Variants in LMX1A observed in about 807,000 individuals in gnomAD.
LMX1A encodes the protein LIM homeobox transcription factor 1-alpha.
A neutral mutation model predicts 49.1 loss-of-function variants in LMX1A; 15 were observed. That is an observed-to-expected ratio of 0.31 (90% CI 0.20 to 0.47). The LOEUF (loss-of-function observed/expected upper bound fraction) is 0.47, where lower values mean the gene tolerates loss of function less well. Among genes scored for constraint, LMX1A ranks in the 20% least tolerant of loss-of-function variants. The probability of loss-of-function intolerance (pLI) is 1.00; values close to 1 mark genes in which losing one functional copy is unlikely to be tolerated. For missense variants in LMX1A, 372 were observed against 475.8 expected, an observed-to-expected ratio of 0.78 and a Z score of 2.03; for synonymous variants, 167 against 185.7, an observed-to-expected ratio of 0.90 and a Z score of 0.82.
At chr1:165,236,228 G>C (rs563019941) in intron 4 of LMX1A, among the ~76,000 whole-genome samples, 305 of 152,356 alleles carry the variant, frequency 2.0e-3, no homozygotes, top group African/African-American at 6.9e-3. Flanking sequence ...CTAAGGCTGG[G>C]GAGAGGGAAG....
chr1:165,226,903 T>G (rs1304843284), intron 4 of LMX1A, among the ~76,000 whole-genome samples: 4 of 152,236 alleles, frequency 2.6e-5, no homozygotes, highest in Non-Finnish European at 5.9e-5. Context: ...TTGTGCAAAG[T>G]GCCTAATATA....
At chr1:165,273,714 T>C (rs1653875000) in intron 3 of LMX1A, among the ~76,000 whole-genome samples, 2 of 152,216 alleles carry the variant, frequency 1.3e-5, no homozygotes, top group East Asian at 1.9e-4. Context: ...AAAACATATA[T>C]TGTCCTTACC....
intron 3 of LMX1A, among the ~76,000 whole-genome samples, chr1:165,263,096 ATGAAATGTTTAGT>A (rs1269464647): frequency 6.6e-6 from 1 of 152,168 alleles, no homozygotes; most frequent in African/African-American, 2.4e-5. Context: ...CTCCCTGACC[ATGAAATGTTTAGT>A]TCTCTTCTTT....
At chr1:165,337,907 T>TGTGTGTGTG (rs1553213782) in intron 3 of LMX1A, among the ~76,000 whole-genome samples, 7 of 151,516 alleles carry the variant, frequency 4.6e-5, no homozygotes, top group African/African-American at 1.5e-4. Context: ...TGTGTGTGTG[T>TGTGTGTGTG]TACTACCCCA....
chr1:165,206,681 G>C (rs1651095741), intron 7 of LMX1A, among the ~76,000 whole-genome samples: 1 of 152,102 alleles, frequency 6.6e-6, no homozygotes. Context: ...GGTAGGACTA[G>C]CAGGCATTAG....
chr1:165,246,559 C>T (rs1652855208), intron 4 of LMX1A, among the ~76,000 whole-genome samples: 1 of 152,174 alleles, frequency 6.6e-6, no homozygotes, highest in Admixed American at 6.5e-5. Flanking sequence ...GACATTCTAG[C>T]ATTTCCTGTG....
intron 3 of LMX1A, among the ~76,000 whole-genome samples, chr1:165,336,224 C>T (rs1009949247): frequency 6.6e-6 from 1 of 152,136 alleles, no homozygotes; most frequent in African/African-American, 2.4e-5. Context: ...GTTAAGGGTT[C>T]TCTATGTATC....
At chr1:165,348,844 A>G (rs1007355243) in intron 3 of LMX1A, among the ~76,000 whole-genome samples, 3 of 152,230 alleles carry the variant, frequency 2.0e-5, no homozygotes, top group Non-Finnish European at 2.9e-5. Context: ...GCGGGTCCAA[A>G]GAAAGATGCA....
chr1:165,313,471 C>CTTTTTTTT (rs34912339), intron 3 of LMX1A, among the ~76,000 whole-genome samples: 297 of 114,608 alleles, frequency 2.6e-3, no homozygotes, highest in Non-Finnish European at 3.3e-3. Context: ...CACCTTCTTC[C>CTTTTTTTT]TTTTTTTTTT....
chr1:165,299,666 C>T (rs529306077), intron 3 of LMX1A, among the ~76,000 whole-genome samples: 36 of 151,516 alleles, frequency 2.4e-4, no homozygotes, highest in South Asian at 8.3e-4. Context: ...AAAGTCAACA[C>T]CAAGTTAATC....
chr1:165,333,546 C>A (rs1374066193), intron 3 of LMX1A, among the ~76,000 whole-genome samples: 1 of 152,196 alleles, frequency 6.6e-6, no homozygotes, highest in African/African-American at 2.4e-5. Context: ...TTTTGAACAG[C>A]ATCAATCTCC....
intron 3 of LMX1A, among the ~76,000 whole-genome samples, chr1:165,258,190 T>C (rs1056283373): frequency 6.6e-6 from 1 of 152,216 alleles, no homozygotes; most frequent in Non-Finnish European, 1.5e-5. Flanking sequence ...GAGACAGGGA[T>C]TGGCCATAAG....
chr1:165,249,619 C>T lies in LMX1A; in HGVS notation c.285G>A (p.Gly95=), dbSNP rs749567901. 17 of 1,613,928 alleles carry T rather than the reference C, an allele frequency of 1.1e-5. No individual in the cohort carries two copies. The highest frequency in any genetic ancestry group is 1.4e-5 in the Non-Finnish European group (17 of 1,179,986). The change falls in exon 4 of 9, where the codon GGG becomes GGA. Residue 95 remains glycine, a synonymous_variant. Coordinates refer to ENST00000342310, the MANE Select transcript of LMX1A (RefSeq NM_177398.4). ...TGGGAGCGATGGCCTCGAAGCAGCCCCCACATTTAACAGCAAACAGCCTGG... is the reference window on the plus strand; with the variant it reads ...TGGGAGCGATGGCCTCGAAGCAGCCTCCACATTTAACAGCAAACAGCCTGG... ...DYEKLFAVKC[G]GCFEAIAPNE...
chr1:165,211,080 G>A (rs1376805897), intron 5 of LMX1A: 1 of 258,770 alleles, frequency 3.9e-6, no homozygotes, highest in Non-Finnish European at 7.3e-6. Context: ...TTAGTCTATT[G>A]TTGTGCTTTA....
chr1:165,241,055 T>C (rs1027731271), intron 4 of LMX1A, among the ~76,000 whole-genome samples: 41 of 152,192 alleles, frequency 2.7e-4, no homozygotes, highest in African/African-American at 8.9e-4. Context: ...AAGACTGTTT[T>C]TCCCCCAGTC....
intron 3 of LMX1A, among the ~76,000 whole-genome samples, chr1:165,338,643 G>A (rs893155678): frequency 4.6e-5 from 7 of 152,160 alleles, no homozygotes; most frequent in Admixed American, 1.3e-4. Context: ...TCTATTGAGC[G>A]CAGTCCAAAC....
At chr1:165,354,586 G>T (rs1263160831) in intron 2 of LMX1A, among the ~76,000 whole-genome samples, 1 of 152,144 alleles carries the variant, frequency 6.6e-6, no homozygotes, top group Non-Finnish European at 1.5e-5. Flanking sequence ...TTCATCTAGG[G>T]TGTTGGGGGT....
intron 3 of LMX1A, among the ~76,000 whole-genome samples, chr1:165,258,363 AG>A (rs1352529923): frequency 6.6e-6 from 1 of 152,232 alleles, no homozygotes; most frequent in Non-Finnish European, 1.5e-5. Context: ...AGCTGGCTCA[AG>A]GTCTCTGTCC....
intron 3 of LMX1A, among the ~76,000 whole-genome samples, chr1:165,300,879 T>C (rs568896383): frequency 1.8e-4 from 27 of 152,266 alleles, no homozygotes; most frequent in Non-Finnish European, 3.4e-4. Context: ...CCAGGTATAT[T>C]ACAGAGGGAC....
Sources: allele counts gnomAD v4.1 joint callset (sites outside exome capture counted in the v4.1 genomes callset), GRCh38; gene constraint gnomAD v4.1.1; transcripts MANE v1.5; gene names NCBI Gene and HGNC (gene_info 2026-07-23, HGNC 2026-07-21).